TNRC6B: variants seen among roughly 807,000 people sequenced by gnomAD.
TNRC6B encodes the protein trinucleotide repeat containing adaptor 6B, also known as trinucleotide repeat-containing gene 6B protein.
A neutral mutation model predicts 203.6 loss-of-function variants in TNRC6B; 52 were observed. The observed-to-expected ratio is 0.26, with a 90% CI of 0.20 to 0.32. The LOEUF is 0.32. TNRC6B is among the 10% of genes least tolerant of loss of function. The probability of loss-of-function intolerance (pLI) is 1.00; values close to 1 mark genes in which losing one functional copy is unlikely to be tolerated. For missense variants in TNRC6B, 1,923 were observed against 2,286.2 expected, an observed-to-expected ratio of 0.84 and a Z score of 3.24; for synonymous variants, 838 against 845.7, an observed-to-expected ratio of 0.99 and a Z score of 0.16.
At chr22:40,277,457 A>G (rs928570523) in intron 8 of TNRC6B, among the ~76,000 whole-genome samples, 1 of 152,218 alleles carries the variant, frequency 6.6e-6, no homozygotes, top group African/African-American at 2.4e-5. Flanking sequence ...ACTAGTTTTC[A>G]TATTATGATT....
At chr22:40,288,138 A>T (rs993455853) in intron 12 of TNRC6B, among the ~76,000 whole-genome samples, 5 of 152,264 alleles carry the variant, frequency 3.3e-5, no homozygotes, top group Non-Finnish European at 1.5e-5. Context: ...AAGGAACTAG[A>T]CAAGAAGTAT....
chr22:40,320,804 T>A (rs2071324839), intron 21 of TNRC6B, among the ~76,000 whole-genome samples: 1 of 152,220 alleles, frequency 6.6e-6, no homozygotes, highest in South Asian at 2.1e-4. Flanking sequence ...TGTCTTTCTC[T>A]TTACAGAGGA....
chr22:40,075,156 A>ATATATATATATATATATTTTT, intron 1 of TNRC6B, among the ~76,000 whole-genome samples: 1 of 35,566 alleles, frequency 2.8e-5, no homozygotes. Context: ...ATATATATAT[A>ATATATATATATATATATTTTT]TTTTTTTTTT....
At chr22:40,151,763 A>G (rs2068758036) in intron 3 of TNRC6B, among the ~76,000 whole-genome samples, 1 of 151,936 alleles carries the variant, frequency 6.6e-6, no homozygotes, top group Non-Finnish European at 1.5e-5. Context: ...AGAAATTAAA[A>G]TAAAAAAATC....
chr22:40,335,017 TTAAG>T lies in TNRC6B; in HGVS notation c.*11778_*11781del, dbSNP rs765109472. ...TATTGATGCTCTCTGCAAGTTACCTTTAAGTGTTTTTTTTTTCTTATACTTGAAG... is the reference window on the plus strand; with the variant it reads ...TATTGATGCTCTCTGCAAGTTACCTTTGTTTTTTTTTTCTTATACTTGAAG... On this transcript the variant is annotated 3_prime_UTR_variant, in exon 23 of 23. Transcript: ENST00000454349. 40 of 152,688 alleles carry T rather than the reference TTAAG, an allele frequency of 2.6e-4. No homozygotes were observed. Among genetic ancestry groups the T allele is most frequent in the African/African-American group, 8.2e-4 (34 of 41,558 alleles). The allele number at this position is 152,688 out of a possible 1,614,324, so 9.5% of individuals were successfully genotyped here. A position where few individuals can be genotyped will look rare whatever the true frequency, so the allele number is the denominator to read the frequency against.
intron 1 of TNRC6B, among the ~76,000 whole-genome samples, chr22:40,078,059 A>G (rs1335556334): frequency 6.6e-6 from 1 of 152,206 alleles, no homozygotes; most frequent in Non-Finnish European, 1.5e-5. Flanking sequence ...AAATTTCCAT[A>G]AGAATTGCTG....
intron 1 of TNRC6B, among the ~76,000 whole-genome samples, chr22:40,067,156 T>C (rs902947987): frequency 3.3e-5 from 5 of 152,136 alleles, no homozygotes; most frequent in Admixed American, 1.3e-4. Flanking sequence ...AATCAACTAA[T>C]TAATTTCTGT....
rs1312248631 is a variant in TNRC6B at position 40,308,471 on chromosome 22, T to C, written c.4121-41T>C. 5 of 1,613,014 alleles carry C rather than the reference T, an allele frequency of 3.1e-6. No individual in the cohort carries two copies. The African/African-American group carries it at 5.3e-5, about 17-fold the overall frequency. ...GACTCTGCTTCAGAACTCTTGATAC[T>C]GATGCTGGAGACTTATAAAATGTGG... is the stretch of plus-strand genomic sequence containing the variant. On this transcript the variant is annotated intron_variant, in intron 15 of 22. Coordinates refer to ENST00000454349, the MANE Select transcript of TNRC6B (RefSeq NM_001162501.2).
chr22:40,099,839 C>G lies in TNRC6B; in HGVS notation c.-120-17216C>G, dbSNP rs540468199. 4.6e-5 allele frequency among the ~76,000 whole-genome samples: 7 copies of G among 152,232 alleles called. No homozygotes were observed. The East Asian group carries it at 1.4e-3, about 29-fold the overall frequency. ...AATCTCAGCTCACTACAAGCTCCGC[C>G]TCTCGGGCTCACGCCATTCTCCTTC... is the stretch of plus-strand genomic sequence containing the variant. On this transcript the variant is annotated intron_variant, in intron 1 of 23. Coordinates refer to the TNRC6B transcript ENST00000301923.
Position 40,178,045 on chromosome 22 carries a change from A to G in TNRC6B, c.-91A>G, listed in dbSNP as rs2069084541. The G allele has an allele frequency of 3.8e-6, 6 of 1,583,024 alleles. No individual in the cohort carries two copies. The South Asian group carries it at 5.8e-5, about 15-fold the overall frequency. Reference sequence around the variant, plus strand: ...ATATTTAAAATACAAAAAAACAGATAGACAAAAAGAATTCATTTTTTGGAC... The same window carrying G: ...ATATTTAAAATACAAAAAAACAGATGGACAAAAAGAATTCATTTTTTGGAC... On this transcript the variant is annotated 5_prime_UTR_variant, in exon 1 of 23. It adds an upstream start codon to the 5' untranslated region. Coordinates refer to ENST00000454349, the MANE Select transcript of TNRC6B (RefSeq NM_001162501.2).
chr22:40,068,141 A>G (rs892586227), intron 1 of TNRC6B, among the ~76,000 whole-genome samples: 1 of 152,180 alleles, frequency 6.6e-6, no homozygotes, highest in African/African-American at 2.4e-5. Context: ...TCAGAAAGAT[A>G]AGGACTTTAA....
intron 1 of TNRC6B, among the ~76,000 whole-genome samples, chr22:40,101,374 G>A (rs1371593196): frequency 3.3e-5 from 5 of 152,052 alleles, no homozygotes; most frequent in Non-Finnish European, 5.9e-5. Flanking sequence ...CATTGCCGGC[G>A]CCACCCCCAG....
chr22:40,302,308 C>T (rs1042316353), intron 15 of TNRC6B, among the ~76,000 whole-genome samples: 40 of 152,260 alleles, frequency 2.6e-4, no homozygotes, highest in African/African-American at 9.4e-4. Context: ...TAGAATTTAT[C>T]TTCTAAAGAA....
At chr22:40,204,819 A>G (rs1385209213) in intron 1 of TNRC6B, among the ~76,000 whole-genome samples, 1 of 152,164 alleles carries the variant, frequency 6.6e-6, no homozygotes, top group Non-Finnish European at 1.5e-5. Context: ...GTTGCCAATT[A>G]CTTGGTTTTT....
At chr22:40,166,510 A>C (rs953734210) in intron 4 of TNRC6B, among the ~76,000 whole-genome samples, 2 of 151,494 alleles carry the variant, frequency 1.3e-5, no homozygotes, top group African/African-American at 4.9e-5. Flanking sequence ...TAAATAATTC[A>C]GTGCTTCCTA....
At chr22:40,233,624 A>G (rs2069909694) in intron 1 of TNRC6B, among the ~76,000 whole-genome samples, 1 of 152,194 alleles carries the variant, frequency 6.6e-6, no homozygotes, top group Non-Finnish European at 1.5e-5. Context: ...CCGTCTCAAA[A>G]AAAAAAAAAA....
At chr22:40,200,574 C>T (rs894372545) in intron 1 of TNRC6B, among the ~76,000 whole-genome samples, 3 of 151,864 alleles carry the variant, frequency 2.0e-5, no homozygotes, top group Non-Finnish European at 2.9e-5. Flanking sequence ...AGGCGTGAGC[C>T]ACCGCGCCCG....
rs368772804 is a variant in TNRC6B at position 40,300,071 on chromosome 22, C to T, written c.3709-384C>T. On this transcript the variant is annotated intron_variant, in intron 12 of 22. Transcript: ENST00000454349. ...TACTTGTAGCACAGAAATACTTTCACGTAAGTATTATTTATTAGCTTTATG... is the reference window on the plus strand; with the variant it reads ...TACTTGTAGCACAGAAATACTTTCATGTAAGTATTATTTATTAGCTTTATG... 1.2e-4 allele frequency among the ~76,000 whole-genome samples: 18 copies of T among 152,268 alleles called. No homozygotes were observed. In the East Asian group the frequency reaches 2.1e-3, roughly 18 times the overall value.
chr22:40,106,647 T>C (rs1450593132), intron 1 of TNRC6B: 1 of 745,238 alleles, frequency 1.3e-6, no homozygotes, highest in Non-Finnish European at 2.5e-6. Flanking sequence ...CCCCAAGCAA[T>C]ATATGACTCT....
Sources: allele counts gnomAD v4.1 joint callset (sites outside exome capture counted in the v4.1 genomes callset), GRCh38; gene constraint gnomAD v4.1.1; transcripts MANE v1.5; gene names NCBI Gene and HGNC (gene_info 2026-07-23, HGNC 2026-07-21).